TEC: variants seen among roughly 807,000 people sequenced by gnomAD.
TEC encodes tyrosine-protein kinase Tec.
In TEC, 72 loss-of-function variants were observed where a neutral mutation model predicts 93.0. The ratio of observed to expected loss-of-function variants is 0.77; its 90% CI spans 0.64 to 0.94. The LOEUF (loss-of-function observed/expected upper bound fraction) is 0.94. Among genes scored for constraint, TEC ranks in the 40% least tolerant of loss-of-function variants. TEC has a pLI of 0.00. For missense variants in TEC, 630 were observed against 757.9 expected, an observed-to-expected ratio of 0.83 and a Z score of 1.98; for synonymous variants, 249 against 247.7, an observed-to-expected ratio of 1.01 and a Z score of -0.05.
chr4:48,146,492 T>C, intron 11 of TEC, 93 bp from the exon 12 acceptor site: 3 of 1,124,170 alleles, frequency 2.7e-6, no homozygotes, highest in Non-Finnish European at 2.7e-6. Flanking sequence ...AATTCATCAT[T>C]TATTCATTTA....
In TEC at chr4:48,138,563, T is replaced by C; in HGVS notation, c.1812+102A>G. 3 of 1,360,782 alleles carry C rather than the reference T, an allele frequency of 2.2e-6. No individual in the cohort carries two copies. In the African/African-American group the frequency reaches 4.4e-5, roughly 20 times the overall value. The allele number at this position is 1,360,782 out of a possible 1,614,324, so 84.3% of individuals were successfully genotyped here. A position where few individuals can be genotyped will look rare whatever the true frequency, so the allele number is the denominator to read the frequency against. On this transcript the variant is annotated intron_variant, in intron 17 of 17. Coordinates refer to ENST00000381501, the MANE Select transcript of TEC (RefSeq NM_003215.3). Reference sequence around the variant, plus strand: ...TCCTACCTAGAGCTTGAAATCACTATAAAGATGCACCACCTCACTAGGCTA... The same window carrying C: ...TCCTACCTAGAGCTTGAAATCACTACAAAGATGCACCACCTCACTAGGCTA...
chr4:48,144,978 T>C, intron 14 of TEC, 101 bp downstream of exon 14: 2 of 1,034,852 alleles, frequency 1.9e-6, no homozygotes, highest in South Asian at 2.9e-5. Context: ...GAAAGATTGT[T>C]AAGAACAAAA....
intron 2 of TEC, among the ~76,000 whole-genome samples, chr4:48,209,409 C>G (rs908123351): frequency 6.6e-6 from 1 of 150,896 alleles, no homozygotes; most frequent in Non-Finnish European, 1.5e-5. Context: ...TTGAGACCAG[C>G]CTGGCAACAT....
chr4:48,182,642 G>C (rs546763261), intron 2 of TEC, among the ~76,000 whole-genome samples: 1 of 151,690 alleles, frequency 6.6e-6, no homozygotes, highest in Non-Finnish European at 1.5e-5. Context: ...GTAAACCAGC[G>C]TATATGGGAA....
At chr4:48,187,983 C>T (rs1158780566) in intron 2 of TEC, among the ~76,000 whole-genome samples, 1 of 152,186 alleles carries the variant, frequency 6.6e-6, no homozygotes, top group Non-Finnish European at 1.5e-5. Flanking sequence ...CTAGATTGCA[C>T]TTCCTTATCT....
At chr4:48,161,905 C>A (rs1228223095) in intron 8 of TEC, among the ~76,000 whole-genome samples, 2 of 152,100 alleles carry the variant, frequency 1.3e-5, no homozygotes, top group Non-Finnish European at 2.9e-5. Flanking sequence ...TGCTTCCTGC[C>A]CTCGAACATT....
chr4:48,138,998 T>C lies in TEC; in HGVS notation c.1560A>G (p.Thr520=), dbSNP rs1719549934. 2 of 1,614,066 alleles carry C rather than the reference T, an allele frequency of 1.2e-6. No individual in the cohort carries two copies. Among genetic ancestry groups the C allele is most frequent in the South Asian group, 1.1e-5 (1 of 91,084 alleles). The stretch of plus-strand genomic sequence containing the variant: ...CAGGAAACTTAGCACCAGAAGAACT[T>C]GTGTACTGATCATCCAGAACATACC... ...MARYVLDDQY[T]SSSGAKFPVK... is the part of the protein sequence containing the mutation. The change falls in exon 16 of 18, where the codon ACA becomes ACG. Residue 520 remains threonine, a synonymous_variant. Coordinates refer to ENST00000381501, the MANE Select transcript of TEC (RefSeq NM_003215.3).
In TEC at chr4:48,184,632, A is replaced by G. The variant is rs181925431; in HGVS notation, c.139-8446T>C. Among the ~76,000 whole-genome samples the G allele has an allele frequency of 2.8e-3, 424 of 152,252 alleles. 4 individuals are homozygous for G. Among genetic ancestry groups the G allele is most frequent in the African/African-American group, 9.8e-3 (409 of 41,532 alleles). ...CTATCATTAGGCCTCATTTTGCACC[A>G]CTGAATTGTTTTGTGTTCAGTCTGT... On this transcript the variant is annotated intron_variant, in intron 2 of 17. Transcript: ENST00000381501.
intron 12 of TEC, 111 bp from the exon 13 acceptor site, chr4:48,145,690 CA>C: frequency 1.1e-5 from 13 of 1,143,830 alleles, no homozygotes; most frequent in African/African-American, 1.6e-5. Context: ...TACAGGATAA[CA>C]CTGTAATAAT....
At chr4:48,269,008 A>C (rs1207986681) in intron 1 of TEC, among the ~76,000 whole-genome samples, 1 of 150,694 alleles carries the variant, frequency 6.6e-6, no homozygotes, top group Non-Finnish European at 1.5e-5. Context: ...GAAAGTGTAC[A>C]CTCCCAGGTC....
chr4:48,179,637 C>T (rs1031324333), intron 2 of TEC, among the ~76,000 whole-genome samples: 15 of 151,698 alleles, frequency 9.9e-5, no homozygotes, highest in Non-Finnish European at 1.8e-4. Context: ...AATCCACCCA[C>T]CTCGGCCTCC....
At position 48,150,849 on chromosome 4, in the gene TEC, G is replaced by A; in HGVS notation, c.872+14C>T. ...AAACTCTAAATTATAAAAAAAAATG[G>A]CAGGATTACTCACCCTCCAAACTTG... is the stretch of plus-strand genomic sequence containing the variant. On this transcript the variant is annotated intron_variant, in intron 10 of 17. Coordinates refer to ENST00000381501, the MANE Select transcript of TEC (RefSeq NM_003215.3). 6.7e-7 allele frequency: 1 copy of A among 1,490,988 alleles called. No homozygotes were observed. The allele number at this position is 1,490,988 out of a possible 1,614,324, so 92.4% of individuals were successfully genotyped here.
intron 2 of TEC, among the ~76,000 whole-genome samples, chr4:48,208,088 A>C (rs1026832486): frequency 6.6e-6 from 1 of 152,198 alleles, no homozygotes; most frequent in African/African-American, 2.4e-5. Flanking sequence ...TCCCAGAGGC[A>C]GGGGTGAGGC....
intron 2 of TEC, among the ~76,000 whole-genome samples, chr4:48,216,709 T>C (rs917294448): frequency 1.3e-5 from 2 of 152,204 alleles, no homozygotes; most frequent in African/African-American, 2.4e-5. Context: ...AGTGGAAAAA[T>C]AGCTAAATAA....
At chr4:48,143,863 T>C (rs1719786011) in intron 14 of TEC, among the ~76,000 whole-genome samples, 2 of 152,206 alleles carry the variant, frequency 1.3e-5, no homozygotes, top group South Asian at 4.1e-4. Flanking sequence ...AGAATTATGA[T>C]TAAACAAGTT....
In TEC at chr4:48,197,588, G is replaced by A. The variant is rs148186514; in HGVS notation, c.139-21402C>T. On this transcript the variant is annotated intron_variant, in intron 2 of 17. Coordinates refer to ENST00000381501, the MANE Select transcript of TEC (RefSeq NM_003215.3). Reference sequence around the variant, plus strand: ...GGTGCCCTCCTTATACCAGGAGGACGAAAGACATTCATTCTTATCACCAGA... The same window carrying A: ...GGTGCCCTCCTTATACCAGGAGGACAAAAGACATTCATTCTTATCACCAGA... Among the ~76,000 whole-genome samples, 466 of 152,266 alleles carry A rather than the reference G, an allele frequency of 3.1e-3. 4 individuals carry two copies. Among genetic ancestry groups the A allele is most frequent in the African/African-American group, 0.01 (428 of 41,556 alleles).
At position 48,137,312 on chromosome 4, in the gene TEC, T is replaced by C. The variant is rs528189300; in HGVS notation, c.*104A>G. On this transcript the variant is annotated 3_prime_UTR_variant, in exon 18 of 18. Coordinates refer to ENST00000381501, the MANE Select transcript of TEC (RefSeq NM_003215.3). ...AAATTATTTATGTGTTTCCACTGTA[T>C]AAGTAAAATGATCTACATGTCCAAG... 7 of 867,194 alleles carry C rather than the reference T, an allele frequency of 8.1e-6. No homozygotes were observed. The highest frequency in any genetic ancestry group is 6.4e-5 in the South Asian group (4 of 62,164). The allele number at this position is 867,194 out of a possible 1,614,324, so 53.7% of individuals were successfully genotyped here.
chr4:48,165,038 A>C (rs1214056371), intron 7 of TEC, among the ~76,000 whole-genome samples: 1 of 152,186 alleles, frequency 6.6e-6, no homozygotes, highest in Non-Finnish European at 1.5e-5. Flanking sequence ...AGAAAAGAAA[A>C]GAAAAATGTC....
Position 48,146,327 on chromosome 4 carries a change from T to C in TEC, c.1079A>G (p.Tyr360Cys). Residue 360 changes from tyrosine (Y) to cysteine (C), a missense_variant and splice_region_variant, in exon 12 of 18, where the codon TAT becomes TGT. Physicochemically the swap from Tyr to Cys is radical, Grantham distance 194 (BLOSUM62 -2). Transcript: ENST00000381501. ...KNAPTTAGFS[Y>C]EKWEINPSEL... is the part of the protein sequence containing the mutation. ...TGCAACCACAAAATAAGAGTTACCA[T>C]AGCTGAATCCTGCAGTGGTGGGTGC... 1.9e-6 allele frequency: 3 copies of C among 1,613,512 alleles called. No homozygotes were observed. The highest frequency in any genetic ancestry group is 2.2e-5 in the East Asian group (1 of 44,848).
Sources: allele counts gnomAD v4.1 joint callset (sites outside exome capture counted in the v4.1 genomes callset), GRCh38; gene constraint gnomAD v4.1.1; transcripts MANE v1.5; gene names NCBI Gene and HGNC (gene_info 2026-07-23, HGNC 2026-07-21).